The following NAALADL2 variants were observed in gnomAD, a reference collection of about 807,000 sequenced individuals.
NAALADL2 encodes inactive N-acetylated-alpha-linked acidic dipeptidase-like protein 2.
In NAALADL2, 76 loss-of-function variants were observed where a neutral mutation model predicts 87.2. The ratio of observed to expected loss-of-function variants is 0.87; its 90% CI spans 0.72 to 1.05. NAALADL2 has a LOEUF of 1.05. NAALADL2 is among the 50% of genes least tolerant of loss of function. NAALADL2 has a pLI of 0.00. For synonymous variants in NAALADL2, 354 were observed against 331.0 expected (o/e 1.07, Z -0.75); for missense variants, 1,089 against 945.8 (o/e 1.15, Z -1.99).
chr3:175,304,959 G>A (rs901605380), intron 4 of NAALADL2, among the ~76,000 whole-genome samples: 6 of 150,640 alleles, frequency 4.0e-5, no homozygotes, highest in East Asian at 3.9e-4. Context: ...TAAACTATAC[G>A]TGAACTAAAC....
chr3:175,528,892 C>G (rs963151643), intron 9 of NAALADL2, among the ~76,000 whole-genome samples: 10 of 152,168 alleles, frequency 6.6e-5, no homozygotes, highest in African/African-American at 2.4e-4. Flanking sequence ...CAATTACCAT[C>G]CTTGTTTATG....
At chr3:175,417,802 A>G (rs887044397) in intron 5 of NAALADL2, among the ~76,000 whole-genome samples, 6 of 152,202 alleles carry the variant, frequency 3.9e-5, no homozygotes, top group African/African-American at 1.4e-4. Context: ...ATATTTATCA[A>G]TAAAAACCTA....
At chr3:175,251,403 C>A (rs1433193896) in intron 3 of NAALADL2, among the ~76,000 whole-genome samples, 1 of 152,208 alleles carries the variant, frequency 6.6e-6, no homozygotes, top group African/African-American at 2.4e-5. Flanking sequence ...AGTCGCACGT[C>A]TCAATTACTC....
At chr3:174,927,511 TC>T (rs916094915) in intron 1 of NAALADL2, among the ~76,000 whole-genome samples, 1 of 152,198 alleles carries the variant, frequency 6.6e-6, no homozygotes, top group Non-Finnish European at 1.5e-5. Flanking sequence ...AAACTGTCTC[TC>T]ACATCACAGC....
rs868338040 is a variant in NAALADL2, at chr3:174,515,088, T to A, written c.-183-35481T>A. 6.6e-5 allele frequency among the ~76,000 whole-genome samples: 10 copies of A among 152,140 alleles called. No homozygotes were observed. The East Asian group carries it at 1.9e-3, about 29-fold the overall frequency. On this transcript the variant is annotated intron_variant, in intron 1 of 3. Coordinates refer to the NAALADL2 transcript ENST00000434257. ...GAGCAATTATAGTGAAGCAATATTA[T>A]CAGGAAGGAATCATGAGGTGAGTTT...
At chr3:175,711,600 T>A (rs1000516791) in intron 11 of NAALADL2, among the ~76,000 whole-genome samples, 3 of 151,938 alleles carry the variant, frequency 2.0e-5, no homozygotes, top group Admixed American at 2.0e-4. Flanking sequence ...GCATCTCATA[T>A]GTGAAGAAGA....
chr3:175,404,789 C>A (rs1423619562), intron 5 of NAALADL2, among the ~76,000 whole-genome samples: 1 of 152,116 alleles, frequency 6.6e-6, no homozygotes, highest in African/African-American at 2.4e-5. Context: ...CCTCATATAT[C>A]AAGGACCATC....
intron 9 of NAALADL2, among the ~76,000 whole-genome samples, chr3:175,496,249 A>G (rs1425903879): frequency 6.6e-6 from 1 of 152,162 alleles, no homozygotes; most frequent in Non-Finnish European, 1.5e-5. Context: ...TTTTGTAATT[A>G]TAGTTTGTTG....
intron 1 of NAALADL2, among the ~76,000 whole-genome samples, chr3:174,475,700 G>A (rs1717171039): frequency 6.6e-6 from 1 of 151,920 alleles, no homozygotes; most frequent in African/African-American, 2.4e-5. Context: ...TTTCTCAAGG[G>A]ATTCAAGTTT....
chr3:175,264,168 ACTTCATAGTTATGTGAT>A (rs1258649403), intron 4 of NAALADL2, among the ~76,000 whole-genome samples: 1 of 151,852 alleles, frequency 6.6e-6, no homozygotes, highest in African/African-American at 2.4e-5. Flanking sequence ...AAGCTCTTCT[ACTTCATAGTTATGTGAT>A]CATAGAATTA....
intron 4 of NAALADL2, among the ~76,000 whole-genome samples, chr3:175,304,041 A>G (rs1304818485): frequency 6.6e-6 from 1 of 152,100 alleles, no homozygotes; most frequent in African/African-American, 2.4e-5. Flanking sequence ...AAATGAGAGA[A>G]AGGTAAAAGA....
chr3:175,779,325 A>G (rs1475427003), intron 13 of NAALADL2, among the ~76,000 whole-genome samples: 3 of 152,154 alleles, frequency 2.0e-5, no homozygotes, highest in South Asian at 4.1e-4. Flanking sequence ...GTGTATTTTG[A>G]TCTCTTACAT....
intron 1 of NAALADL2, among the ~76,000 whole-genome samples, chr3:175,024,823 T>G (rs1348517153): frequency 6.6e-6 from 1 of 152,070 alleles, no homozygotes; most frequent in Non-Finnish European, 1.5e-5. Context: ...ACATGTACAT[T>G]TTAGAGAATC....
chr3:175,093,134 A>C (rs1395601903), intron 1 of NAALADL2, among the ~76,000 whole-genome samples: 1 of 151,816 alleles, frequency 6.6e-6, no homozygotes, highest in Non-Finnish European at 1.5e-5. Context: ...CATCTGCATC[A>C]GTAATAAAAA....
chr3:175,006,448 G>A (rs779697023), intron 1 of NAALADL2, among the ~76,000 whole-genome samples: 1 of 152,056 alleles, frequency 6.6e-6, no homozygotes, highest in Non-Finnish European at 1.5e-5. Flanking sequence ...CATTTGATTG[G>A]AACATTATCT....
intron 2 of NAALADL2, among the ~76,000 whole-genome samples, chr3:175,204,969 T>C (rs1740606376): frequency 6.6e-6 from 1 of 151,864 alleles, no homozygotes; most frequent in African/African-American, 2.4e-5. Context: ...CACAAACAAA[T>C]GGAAACACAT....
At position 175,243,874 on chromosome 3, in the gene NAALADL2, G is replaced by A. The variant is rs538143934; in HGVS notation, c.819+9670G>A. Among the ~76,000 whole-genome samples, 75 of 152,156 alleles carry A rather than the reference G, an allele frequency of 4.9e-4. 2 individuals are homozygous for A. The South Asian group carries it at 7.3e-3, about 15-fold the overall frequency. ...CACAGAACTAATGGAAAATCAAGAG[G>A]GAAGGTAATTTTAAAACTTCTCTCA... On this transcript the variant is annotated intron_variant, in intron 3 of 13. Transcript: ENST00000454872.
chr3:175,188,110 G>A (rs1737612404), intron 2 of NAALADL2, among the ~76,000 whole-genome samples: 1 of 152,122 alleles, frequency 6.6e-6, no homozygotes, highest in African/African-American at 2.4e-5. Flanking sequence ...AATACATGTT[G>A]TTGATTATGT....
chr3:175,105,643 ACACACACACACACAC>A (rs1723002223), intron 2 of NAALADL2, among the ~76,000 whole-genome samples: 1 of 2,104 alleles, frequency 4.8e-4, no homozygotes, highest in Non-Finnish European at 9.2e-4. Flanking sequence ...ATACACACAG[ACACACACACACACAC>A]ACACACACAC....
Sources: gnomAD v4.1 joint callset for allele counts (sites outside exome capture counted in the v4.1 genomes callset) on GRCh38, gnomAD v4.1.1 for gene constraint, MANE v1.5 for transcripts, NCBI Gene and HGNC (gene_info 2026-07-23, HGNC 2026-07-21) for gene names.